RBM6: variants seen among roughly 807,000 people sequenced by gnomAD.
The protein encoded by RBM6 is RNA-binding protein 6.
RBM6 carries 23 observed loss-of-function variants against 140.4 expected under a neutral mutation model. That is an observed-to-expected ratio of 0.16 (90% confidence interval 0.12 to 0.23). The LOEUF (loss-of-function observed/expected upper bound fraction) is 0.23. Ranked by LOEUF, RBM6 falls within the 10% of genes least tolerant of loss-of-function variation. The pLI is 1.00. For synonymous variants in RBM6, 439 were observed against 475.6 expected, an observed-to-expected ratio of 0.92 and a Z score of 1.00; for missense variants, 1,139 against 1,386.7, an observed-to-expected ratio of 0.82 and a Z score of 2.84.
chr3:50,025,303 A>AT (rs1559600906), intron 6 of RBM6, among the ~76,000 whole-genome samples: 1 of 151,392 alleles, frequency 6.6e-6, no homozygotes, highest in Non-Finnish European at 1.5e-5. Context: ...GGCACCTGTA[A>AT]TCCCAGCTAC....
chr3:49,977,798 G>A (rs1418695457), intron 5 of RBM6, among the ~76,000 whole-genome samples: 1 of 152,172 alleles, frequency 6.6e-6, no homozygotes, highest in African/African-American at 2.4e-5. Context: ...GATGTTCTAA[G>A]AACTATAGTG....
intron 8 of RBM6, among the ~76,000 whole-genome samples, chr3:50,055,298 C>T (rs537020628): frequency 7.3e-4 from 111 of 152,270 alleles, no homozygotes; most frequent in African/African-American, 2.5e-3. Flanking sequence ...GGTGTGGTGG[C>T]ACATGCTTGG....
intron 4 of RBM6, among the ~76,000 whole-genome samples, chr3:49,973,774 T>C (rs2084914828): frequency 6.6e-6 from 1 of 151,736 alleles, no homozygotes; most frequent in Admixed American, 6.6e-5. Flanking sequence ...TTAGTAGAGA[T>C]GGGGTTTCAC....
chr3:50,013,806 AATGTT>A (rs1403042617), intron 6 of RBM6, among the ~76,000 whole-genome samples: 2 of 152,150 alleles, frequency 1.3e-5, no homozygotes, highest in Admixed American at 1.3e-4. Context: ...TGGCCTTAAT[AATGTT>A]ATTCGTCAGG....
intron 6 of RBM6, among the ~76,000 whole-genome samples, chr3:50,000,736 A>G (rs1489995986): frequency 6.6e-6 from 1 of 152,150 alleles, no homozygotes; most frequent in Admixed American, 6.6e-5. Context: ...GAATCTTAAA[A>G]GAAGGCTCTG....
At position 49,974,673 on chromosome 3, in the gene RBM6, A is replaced by ATTTT. The variant is rs55872898; in HGVS notation, c.1414-623_1414-620dup. ...AGGCGTGAGCCACCGTGCCCGGCCAATTTTTTTTTTTTTTTTTTTTTTTTT... is the reference window on the plus strand; with the variant it reads ...AGGCGTGAGCCACCGTGCCCGGCCAATTTTTTTTTTTTTTTTTTTTTTTTTTTTT... On this transcript the variant is annotated intron_variant, in intron 4 of 20. Transcript: ENST00000266022. Among the ~76,000 whole-genome samples the ATTTT allele has an allele frequency of 5.2e-4, 38 of 72,470 alleles. 1 individual carries two copies. The East Asian group carries it at 7.2e-3, about 14-fold the overall frequency. The allele number at this position is 72,470 out of a possible 152,430, so 47.5% of individuals were successfully genotyped here. A position where few individuals can be genotyped will look rare whatever the true frequency, so the allele number is the denominator to read the frequency against.
intron 1 of RBM6, among the ~76,000 whole-genome samples, chr3:49,944,702 C>A (rs1051092397): frequency 6.6e-6 from 1 of 151,902 alleles, no homozygotes. Flanking sequence ...TCTTGAACTT[C>A]TGACCTCAGG....
chr3:49,993,610 C>T (rs954403735), intron 5 of RBM6, among the ~76,000 whole-genome samples: 4 of 151,828 alleles, frequency 2.6e-5, no homozygotes, highest in South Asian at 2.1e-4. Flanking sequence ...CCACTGCACT[C>T]CAGCCTGGGT....
intron 8 of RBM6, among the ~76,000 whole-genome samples, chr3:50,055,419 GA>G (rs540454960): frequency 6.7e-6 from 1 of 150,222 alleles, no homozygotes; most frequent in East Asian, 1.9e-4. Flanking sequence ...AACAGAGTGA[GA>G]AAAAAAAAAT....
At chr3:50,017,850 C>G (rs1346833386) in intron 6 of RBM6, among the ~76,000 whole-genome samples, 1 of 152,142 alleles carries the variant, frequency 6.6e-6, no homozygotes, top group East Asian at 1.9e-4. Flanking sequence ...AAATCATTGC[C>G]TAGACCAGTG....
intron 6 of RBM6, among the ~76,000 whole-genome samples, chr3:50,046,489 G>A (rs921232695): frequency 2.0e-5 from 3 of 151,050 alleles, no homozygotes; most frequent in African/African-American, 7.3e-5. Context: ...TGAGGCAGGA[G>A]ACTCGCTTGA....
At chr3:50,018,582 T>G (rs1192005080) in intron 6 of RBM6, among the ~76,000 whole-genome samples, 2 of 25,216 alleles carry the variant, frequency 7.9e-5, no homozygotes, top group Non-Finnish European at 1.4e-4. Flanking sequence ...TAGGAGTGTG[T>G]TTTTTTTTTT....
chr3:50,046,306 G>A (rs2089220022), intron 6 of RBM6, among the ~76,000 whole-genome samples: 2 of 146,628 alleles, frequency 1.4e-5, no homozygotes, highest in Admixed American at 6.8e-5. Flanking sequence ...ACGGCCAGGC[G>A]CAGTGGCTTA....
At chr3:50,013,452 C>T (rs567783907) in intron 6 of RBM6, among the ~76,000 whole-genome samples, 19 of 152,246 alleles carry the variant, frequency 1.2e-4, no homozygotes, top group South Asian at 4.2e-4. Context: ...AGGCGGATCA[C>T]GAGGTCAAGA....
At chr3:49,942,676 T>G (rs1478862823) in intron 1 of RBM6, among the ~76,000 whole-genome samples, 1 of 151,998 alleles carries the variant, frequency 6.6e-6, no homozygotes, top group Non-Finnish European at 1.5e-5. Context: ...GCAGATCACT[T>G]GAGTTCAGGA....
At chr3:50,075,361 C>T in intron 20 of RBM6, 31 bp downstream of exon 20, 2 of 1,601,420 alleles carry the variant, frequency 1.2e-6, no homozygotes, top group South Asian at 1.1e-5. Context: ...TGGGGGGTGA[C>T]ATGAACCTGG....
chr3:49,997,291 T>A (rs1452957708), intron 5 of RBM6, among the ~76,000 whole-genome samples: 1 of 152,062 alleles, frequency 6.6e-6, no homozygotes, highest in Admixed American at 6.6e-5. Context: ...ATCTGAAGTA[T>A]GTTGTCAACA....
At chr3:49,961,023 C>A (rs769863474) in intron 1 of RBM6, among the ~76,000 whole-genome samples, 1 of 150,472 alleles carries the variant, frequency 6.6e-6, no homozygotes, top group East Asian at 2.0e-4. Flanking sequence ...GATCCTCCCC[C>A]ACTTCAGCCT....
In RBM6 at chr3:49,967,935, T is replaced by A; in HGVS notation, c.510T>A (p.Ala170=). Reference sequence around the variant, plus strand: ...CTGTTGACTTCAGAGGTAGGGATGCTCCTCCATCTGACTTCAGGGGCCGGG... The same window carrying A: ...CTGTTGACTTCAGAGGTAGGGATGCACCTCCATCTGACTTCAGGGGCCGGG... ...AHAVDFRGRD[A]PPSDFRGRGT... Residue 170 remains alanine (A), a synonymous_variant, in exon 3 of 21, where the codon GCT becomes GCA. Coordinates refer to ENST00000266022, the MANE Select transcript of RBM6 (RefSeq NM_005777.3). This position sits in a 1 kb window ranked among gnomAD's most constrained non-coding sequence, Gnocchi z 4.0. The A allele has an allele frequency of 6.2e-7, 1 of 1,614,122 alleles. No individual in the cohort carries two copies. Among genetic ancestry groups the A allele is most frequent in the Non-Finnish European group, 8.5e-7 (1 of 1,180,020 alleles).
Sources: allele counts gnomAD v4.1 joint callset (sites outside exome capture counted in the v4.1 genomes callset), GRCh38; gene constraint gnomAD v4.1.1; non-coding constraint Gnocchi (gnomAD v3.1); transcripts MANE v1.5; gene names NCBI Gene and HGNC (gene_info 2026-07-23, HGNC 2026-07-21).